The following ZNF407 variants were observed in gnomAD, a reference collection of about 807,000 sequenced individuals.
ZNF407 encodes the protein zinc finger protein 407.
In ZNF407, 17 loss-of-function variants were observed where a neutral mutation model predicts 131.2. The ratio of observed to expected loss-of-function variants is 0.13; its 90% CI spans 0.09 to 0.19. The LOEUF is 0.19. Among genes scored for constraint, ZNF407 ranks in the 10% least tolerant of loss-of-function variants. The pLI is 1.00. For synonymous variants in ZNF407, 1,156 were observed against 1,062.0 expected, an observed-to-expected ratio of 1.09 and a Z score of -1.72; for missense variants, 2,681 against 2,830.6, an observed-to-expected ratio of 0.95 and a Z score of 1.20.
intron 1 of ZNF407, among the ~76,000 whole-genome samples, chr18:74,613,056 A>C (rs1983133870): frequency 6.6e-6 from 1 of 152,200 alleles, no homozygotes; most frequent in Non-Finnish European, 1.5e-5. Context: ...AGAAGTAGTT[A>C]ATCACATTTT....
chr18:75,029,987 T>C (rs970288672), intron 8 of ZNF407, among the ~76,000 whole-genome samples: 6 of 152,214 alleles, frequency 3.9e-5, no homozygotes, highest in African/African-American at 1.4e-4. Flanking sequence ...AGGTTTCCTG[T>C]AAATGTGTGC....
chr18:75,041,449 T>C (rs1008867090), intron 8 of ZNF407, among the ~76,000 whole-genome samples: 1 of 151,360 alleles, frequency 6.6e-6, no homozygotes, highest in South Asian at 2.1e-4. Flanking sequence ...ACACACACAC[T>C]CTCTCTCTCA....
At chr18:74,598,734 C>T (rs1414439168) in intron 1 of ZNF407, among the ~76,000 whole-genome samples, 6 of 152,392 alleles carry the variant, frequency 3.9e-5, no homozygotes, top group South Asian at 2.1e-4. Context: ...CTGCGGGCAG[C>T]AGTGGGTTTC....
At chr18:74,774,574 A>G (rs1344634286) in intron 3 of ZNF407, among the ~76,000 whole-genome samples, 2 of 152,236 alleles carry the variant, frequency 1.3e-5, no homozygotes, top group African/African-American at 4.8e-5. Context: ...CTTGCCAAAA[A>G]TGTTTAAACT....
At chr18:75,047,083 G>A (rs1469911797) in intron 8 of ZNF407, among the ~76,000 whole-genome samples, 1 of 152,062 alleles carries the variant, frequency 6.6e-6, no homozygotes, top group African/African-American at 2.4e-5. Flanking sequence ...TTAAAAATTG[G>A]ACAATAAACC....
intron 3 of ZNF407, among the ~76,000 whole-genome samples, chr18:74,740,011 C>T (rs1968511169): frequency 6.6e-6 from 1 of 152,196 alleles, no homozygotes; most frequent in Non-Finnish European, 1.5e-5. Context: ...TTAATTTCCT[C>T]TGGCTTCTGC....
At chr18:74,739,825 C>T (rs964412421) in intron 3 of ZNF407, among the ~76,000 whole-genome samples, 20 of 152,134 alleles carry the variant, frequency 1.3e-4, no homozygotes, top group Admixed American at 2.6e-4. Context: ...ATTCTGAGCA[C>T]GGAATTAGGG....
At chr18:74,764,954 G>A (rs1969194780) in intron 3 of ZNF407, among the ~76,000 whole-genome samples, 1 of 152,170 alleles carries the variant, frequency 6.6e-6, no homozygotes, top group African/African-American at 2.4e-5. Flanking sequence ...TTCACATTAA[G>A]TAGGCTGAGG....
At chr18:75,047,989 T>C (rs1249918404) in intron 8 of ZNF407, among the ~76,000 whole-genome samples, 1 of 152,254 alleles carries the variant, frequency 6.6e-6, no homozygotes, top group Non-Finnish European at 1.5e-5. Flanking sequence ...TTCACCTGCC[T>C]TTCTTTTCTT....
intron 1 of ZNF407, among the ~76,000 whole-genome samples, chr18:74,603,117 T>A (rs535037097): frequency 1.3e-5 from 2 of 152,208 alleles, no homozygotes; most frequent in African/African-American, 4.8e-5. Context: ...TGTAAGGGCA[T>A]TGGGGAGCCA....
chr18:74,719,881 A>G (rs1304090534), intron 3 of ZNF407, among the ~76,000 whole-genome samples: 17 of 152,144 alleles, frequency 1.1e-4, no homozygotes, highest in Non-Finnish European at 2.2e-4. Flanking sequence ...TATATTCACC[A>G]CATTTTCTTT....
intron 8 of ZNF407, among the ~76,000 whole-genome samples, chr18:74,928,717 T>C (rs1318892787): frequency 1.3e-5 from 2 of 152,178 alleles, no homozygotes; most frequent in African/African-American, 4.8e-5. Flanking sequence ...TCAATGTTAA[T>C]GCCGACCAGT....
intron 8 of ZNF407, among the ~76,000 whole-genome samples, chr18:75,011,486 C>G (rs1972973759): frequency 6.6e-6 from 1 of 152,074 alleles, no homozygotes; most frequent in Non-Finnish European, 1.5e-5. Flanking sequence ...TTACTCATTA[C>G]CACTACAAAC....
At chr18:74,746,799 A>G (rs975464194) in intron 3 of ZNF407, among the ~76,000 whole-genome samples, 2 of 152,058 alleles carry the variant, frequency 1.3e-5, no homozygotes, top group African/African-American at 4.8e-5. Context: ...AAAAAAAAAA[A>G]CGATAAGTAA....
chr18:75,046,114 A>C (rs1271270781), intron 8 of ZNF407, among the ~76,000 whole-genome samples: 1 of 152,178 alleles, frequency 6.6e-6, no homozygotes, highest in Non-Finnish European at 1.5e-5. Flanking sequence ...TTGAACTATA[A>C]TGCTACAATT....
At chr18:74,759,290 T>A (rs1267395809) in intron 3 of ZNF407, among the ~76,000 whole-genome samples, 1 of 152,194 alleles carries the variant, frequency 6.6e-6, no homozygotes, top group East Asian at 1.9e-4. Context: ...TGTTTAGCAT[T>A]TGACAGTTTG....
At chr18:75,035,417 G>T (rs1973296661) in intron 8 of ZNF407, among the ~76,000 whole-genome samples, 1 of 152,156 alleles carries the variant, frequency 6.6e-6, no homozygotes, top group African/African-American at 2.4e-5. Context: ...GTCATATCAG[G>T]AAACAAAGCA....
At chr18:74,912,482 C>T (rs944144116) in intron 7 of ZNF407, among the ~76,000 whole-genome samples, 14 of 152,040 alleles carry the variant, frequency 9.2e-5, no homozygotes, top group African/African-American at 3.1e-4. Flanking sequence ...AATAGAAAGT[C>T]CAGAATTCAC....
At chr18:74,611,401 A>G (rs1294849328) in intron 1 of ZNF407, among the ~76,000 whole-genome samples, 1 of 152,244 alleles carries the variant, frequency 6.6e-6, no homozygotes, top group Non-Finnish European at 1.5e-5. Context: ...AAAGGTTAGT[A>G]TCCAGCAGGG....
Sources: gnomAD v4.1 joint callset for allele counts (sites outside exome capture counted in the v4.1 genomes callset) on GRCh38, gnomAD v4.1.1 for gene constraint, MANE v1.5 for transcripts, NCBI Gene and HGNC (gene_info 2026-07-23, HGNC 2026-07-21) for gene names.